The following NLGN1 variants were observed in gnomAD, a reference collection of about 807,000 sequenced individuals.
NLGN1 encodes neuroligin-1.
Under a neutral mutation model 65.5 loss-of-function variants are expected in NLGN1, and 12 were observed. The observed-to-expected ratio is 0.18, with a 90% CI of 0.12 to 0.30. The LOEUF (loss-of-function observed/expected upper bound fraction) is 0.30, where lower values mean the gene tolerates loss of function less well. Among genes scored for constraint, NLGN1 ranks in the 10% least tolerant of loss-of-function variants. The probability of loss-of-function intolerance (pLI) is 1.00; values close to 1 mark genes in which losing one functional copy is unlikely to be tolerated. For synonymous variants in NLGN1, 350 were observed against 359.5 expected (o/e 0.97, Z 0.30); for missense variants, 750 against 1,007.1 (o/e 0.74, Z 3.46).
chr3:173,947,709 AT>A (rs1208443475), intron 4 of NLGN1, among the ~76,000 whole-genome samples: 1 of 152,220 alleles, frequency 6.6e-6, no homozygotes, highest in African/African-American at 2.4e-5. Flanking sequence ...TTTTAGCTTA[AT>A]AAAATTAAAG....
At chr3:173,819,244 T>C (rs1719680184) in intron 4 of NLGN1, among the ~76,000 whole-genome samples, 1 of 152,168 alleles carries the variant, frequency 6.6e-6, no homozygotes, top group South Asian at 2.1e-4. Context: ...AAGTGGGTTT[T>C]TGGCTGACCC....
chr3:173,628,358 T>C (rs1373249674), intron 3 of NLGN1, among the ~76,000 whole-genome samples: 1 of 152,150 alleles, frequency 6.6e-6, no homozygotes, highest in Admixed American at 6.6e-5. Context: ...CTGTAATGCA[T>C]GTGAAAATGC....
intron 4 of NLGN1, among the ~76,000 whole-genome samples, chr3:174,216,259 G>T (rs1330960177): frequency 6.6e-6 from 1 of 152,062 alleles, no homozygotes; most frequent in Non-Finnish European, 1.5e-5. Flanking sequence ...GGTTTTCATT[G>T]TAAGGACAAA....
intron 4 of NLGN1, among the ~76,000 whole-genome samples, chr3:173,878,537 A>G (rs1389258668): frequency 6.6e-6 from 1 of 151,778 alleles, no homozygotes; most frequent in Non-Finnish European, 1.5e-5. Flanking sequence ...AAATACTGCT[A>G]TGAAGATCAT....
intron 4 of NLGN1, among the ~76,000 whole-genome samples, chr3:174,265,028 T>C (rs1747759778): frequency 6.6e-6 from 1 of 152,070 alleles, no homozygotes; most frequent in Non-Finnish European, 1.5e-5. Flanking sequence ...CTTGAGGCAG[T>C]CTGCCCGTTC....
At chr3:174,220,789 T>C (rs1738503630) in intron 4 of NLGN1, among the ~76,000 whole-genome samples, 1 of 152,146 alleles carries the variant, frequency 6.6e-6, no homozygotes, top group Admixed American at 6.5e-5. Context: ...ATTATGCATG[T>C]GAAATATGTA....
intron 2 of NLGN1, among the ~76,000 whole-genome samples, chr3:173,484,077 A>G (rs527648290): frequency 3.3e-5 from 5 of 152,104 alleles, no homozygotes; most frequent in Non-Finnish European, 1.5e-5. Flanking sequence ...CCCAGATTAT[A>G]AAAGGCTATA....
In NLGN1 at chr3:174,194,463, A is replaced by G. The variant is rs1732992567; in HGVS notation, c.647-80852A>G. Among the ~76,000 whole-genome samples the G allele has an allele frequency of 5.9e-5, 9 of 151,900 alleles. No homozygotes were observed. The South Asian group carries it at 1.9e-3, about 31-fold the overall frequency. Reference sequence around the variant, plus strand: ...ACTCCGTCTCAAAAAAAAAAAAGAAAAAGAAAAAAAAGAAACAATCTCCAT... The same window carrying G: ...ACTCCGTCTCAAAAAAAAAAAAGAAGAAGAAAAAAAAGAAACAATCTCCAT... On this transcript the variant is annotated intron_variant, in intron 4 of 6. Coordinates refer to ENST00000457714, the Ensembl canonical transcript of NLGN1.
chr3:173,985,997 T>G (rs1330796879), intron 4 of NLGN1, among the ~76,000 whole-genome samples: 1 of 152,012 alleles, frequency 6.6e-6, no homozygotes, highest in African/African-American at 2.4e-5. Context: ...TAAGATCTGC[T>G]GTGATTTGAA....
chr3:174,083,612 G>A (rs1323451590), intron 4 of NLGN1, among the ~76,000 whole-genome samples: 1 of 152,070 alleles, frequency 6.6e-6, no homozygotes, highest in Non-Finnish European at 1.5e-5. Flanking sequence ...AAACAATATA[G>A]ATTTTAAGTA....
intron 4 of NLGN1, among the ~76,000 whole-genome samples, chr3:173,997,885 C>T (rs1722578907): frequency 1.3e-5 from 2 of 152,076 alleles, no homozygotes; most frequent in South Asian, 4.1e-4. Flanking sequence ...AGAACCAATA[C>T]ATCAGATTCA....
chr3:173,981,736 A>G (rs1718830505), intron 4 of NLGN1, among the ~76,000 whole-genome samples: 1 of 152,146 alleles, frequency 6.6e-6, no homozygotes, highest in African/African-American at 2.4e-5. Flanking sequence ...CATATTCATC[A>G]TGATACCAAG....
At chr3:173,905,922 A>G (rs1246371440) in intron 4 of NLGN1, among the ~76,000 whole-genome samples, 2 of 152,210 alleles carry the variant, frequency 1.3e-5, no homozygotes, top group Non-Finnish European at 2.9e-5. Context: ...GTAGTATACT[A>G]GGAGATTGAG....
chr3:173,607,859 T>C (rs1751631409), intron 3 of NLGN1, among the ~76,000 whole-genome samples: 2 of 151,652 alleles, frequency 1.3e-5, no homozygotes, highest in South Asian at 4.1e-4. Context: ...GCCTTTTATC[T>C]AGATGCCATT....
intron 4 of NLGN1, among the ~76,000 whole-genome samples, chr3:174,033,261 G>T (rs532625947): frequency 2.0e-5 from 3 of 152,136 alleles, no homozygotes; most frequent in Admixed American, 6.5e-5. Context: ...AAGGACAAAG[G>T]AATTAAAGAC....
intron 2 of NLGN1, among the ~76,000 whole-genome samples, chr3:173,558,000 CT>C (rs765553372): frequency 4.9e-4 from 75 of 151,888 alleles, no homozygotes; most frequent in Admixed American, 4.9e-3. Context: ...AGTATTTTTG[CT>C]GTCTATACAA....
chr3:173,460,705 G>A (rs1336544804), intron 2 of NLGN1, among the ~76,000 whole-genome samples: 1 of 152,006 alleles, frequency 6.6e-6, no homozygotes, highest in African/African-American at 2.4e-5. Flanking sequence ...TATTTTCTTG[G>A]CCCAGAAAGA....
intron 4 of NLGN1, among the ~76,000 whole-genome samples, chr3:174,029,859 A>T (rs963026150): frequency 6.6e-6 from 1 of 152,130 alleles, no homozygotes; most frequent in Non-Finnish European, 1.5e-5. Context: ...AGCATGTAAG[A>T]TGTGACTTTG....
At chr3:174,273,873 T>C (rs1749975343) in intron 4 of NLGN1, among the ~76,000 whole-genome samples, 1 of 151,636 alleles carries the variant, frequency 6.6e-6, no homozygotes, top group African/African-American at 2.4e-5. Flanking sequence ...TCTACAATGA[T>C]CCTAGAGAAT....
Sources: allele counts gnomAD v4.1 joint callset (sites outside exome capture counted in the v4.1 genomes callset), GRCh38; gene constraint gnomAD v4.1.1; transcripts MANE v1.5; gene names NCBI Gene and HGNC (gene_info 2026-07-23, HGNC 2026-07-21).